CFAP299: variants seen among roughly 807,000 people sequenced by gnomAD.
CFAP299 encodes cilia and flagella associated protein 299.
Under a neutral mutation model 27.0 loss-of-function variants are expected in CFAP299, and 21 were observed. The ratio of observed to expected loss-of-function variants is 0.78; its 90% CI spans 0.55 to 1.12. The LOEUF (loss-of-function observed/expected upper bound fraction) is 1.12. Ranked by LOEUF, CFAP299 falls within the 50% of genes most tolerant of loss-of-function variation. CFAP299 has a pLI of 0.00. For synonymous variants in CFAP299, 104 were observed against 98.1 expected (o/e 1.06, Z -0.36); for missense variants, 310 against 276.6 (o/e 1.12, Z -0.86).
intron 3 of CFAP299, among the ~76,000 whole-genome samples, chr4:80,691,993 T>A (rs1468250687): frequency 6.6e-6 from 1 of 152,062 alleles, no homozygotes; most frequent in Non-Finnish European, 1.5e-5. Flanking sequence ...ACAAGGGATG[T>A]GAAGGACCTC....
chr4:80,880,995 A>G (rs956668912), intron 4 of CFAP299, among the ~76,000 whole-genome samples: 1 of 152,210 alleles, frequency 6.6e-6, no homozygotes, highest in Non-Finnish European at 1.5e-5. Context: ...TGTAGATGCC[A>G]GTCCTCTAAA....
chr4:80,875,950 T>C (rs1733352395), intron 4 of CFAP299, among the ~76,000 whole-genome samples: 1 of 151,976 alleles, frequency 6.6e-6, no homozygotes, highest in Admixed American at 6.6e-5. Context: ...TGTGAGTTTA[T>C]TTCAGCCCTT....
intron 3 of CFAP299, among the ~76,000 whole-genome samples, chr4:80,770,696 T>TGTC (rs1726162357): frequency 6.6e-6 from 1 of 152,226 alleles, no homozygotes; most frequent in South Asian, 2.1e-4. Flanking sequence ...GAAATCAAGG[T>TGTC]GTCAGCCAGC....
chr4:80,821,405 C>T (rs954722467), intron 3 of CFAP299, among the ~76,000 whole-genome samples: 7 of 152,018 alleles, frequency 4.6e-5, no homozygotes, highest in African/African-American at 1.4e-4. Context: ...TAATAGTAAC[C>T]CCCACCTCCC....
chr4:80,489,872 C>T (rs1158874677), intron 2 of CFAP299, among the ~76,000 whole-genome samples: 1 of 152,028 alleles, frequency 6.6e-6, no homozygotes, highest in Admixed American at 6.6e-5. Flanking sequence ...GAAGTAACTT[C>T]CTGATTTTAA....
intron 3 of CFAP299, among the ~76,000 whole-genome samples, chr4:80,771,236 C>G (rs372789919): frequency 6.6e-6 from 1 of 152,104 alleles, no homozygotes; most frequent in African/African-American, 2.4e-5. Flanking sequence ...TATTGTGAAG[C>G]ATATTTTCTT....
chr4:80,832,667 T>C (rs1730358735), intron 3 of CFAP299, among the ~76,000 whole-genome samples: 1 of 152,146 alleles, frequency 6.6e-6, no homozygotes, highest in African/African-American at 2.4e-5. Flanking sequence ...AAGTAGATGA[T>C]TTTTATTTCA....
intron 3 of CFAP299, among the ~76,000 whole-genome samples, chr4:80,863,634 A>G (rs540260619): frequency 6.6e-6 from 1 of 152,168 alleles, no homozygotes; most frequent in East Asian, 1.9e-4. Flanking sequence ...GATTTTTTAC[A>G]TGGTTAACCA....
intron 3 of CFAP299, among the ~76,000 whole-genome samples, chr4:80,754,952 T>C (rs1725150313): frequency 1.3e-5 from 2 of 152,152 alleles, no homozygotes; most frequent in Non-Finnish European, 2.9e-5. Flanking sequence ...GGAAACAATG[T>C]TCTTTCCTAC....
At chr4:80,508,288 T>C (rs1014164721) in intron 2 of CFAP299, among the ~76,000 whole-genome samples, 3 of 152,152 alleles carry the variant, frequency 2.0e-5, no homozygotes, top group Non-Finnish European at 4.4e-5. Context: ...AATGATAAAA[T>C]TGTGCTATAC....
intron 2 of CFAP299, among the ~76,000 whole-genome samples, chr4:80,398,877 A>G (rs1421940609): frequency 6.6e-6 from 1 of 152,206 alleles, no homozygotes; most frequent in African/African-American, 2.4e-5. Context: ...GCACAGCAAA[A>G]GAAACTACCA....
intron 3 of CFAP299, among the ~76,000 whole-genome samples, chr4:80,761,215 A>G (rs1725526247): frequency 6.6e-6 from 1 of 152,172 alleles, no homozygotes; most frequent in Non-Finnish European, 1.5e-5. Flanking sequence ...ACTTCATTTT[A>G]TTGTAAATCT....
chr4:80,399,428 C>T (rs1454352256), intron 2 of CFAP299, among the ~76,000 whole-genome samples: 1 of 152,092 alleles, frequency 6.6e-6, no homozygotes, highest in Non-Finnish European at 1.5e-5. Flanking sequence ...ATAGCAAAGA[C>T]TTGGAACCAA....
rs376871597 is a variant in CFAP299, at chr4:80,387,102, G to A, written c.242+24218G>A. 1.4e-4 allele frequency: 204 copies of A among 1,443,814 alleles called. No individual in the cohort carries two copies. In the African/African-American group the frequency reaches 2.4e-3, roughly 17 times the overall value. 89.4% of individuals were successfully genotyped at this position (1,443,814 alleles called of 1,614,324 possible). On this transcript the variant is annotated intron_variant, in intron 2 of 5. Coordinates refer to ENST00000358105, the MANE Select transcript of CFAP299 (RefSeq NM_152770.3). ...GGCGGTCTGCAGGTGATGCTCCAGG[G>A]CCTCTGGGGTGGATATTTGTTGACA... is the stretch of plus-strand genomic sequence containing the variant.
chr4:80,647,836 G>A (rs750836721), intron 3 of CFAP299, among the ~76,000 whole-genome samples: 5 of 152,214 alleles, frequency 3.3e-5, no homozygotes, highest in African/African-American at 4.8e-5. Context: ...CACTTTGGGA[G>A]CCCAAGGTGG....
chr4:80,504,015 G>C (rs544122668), intron 2 of CFAP299, among the ~76,000 whole-genome samples: 3 of 152,048 alleles, frequency 2.0e-5, no homozygotes, highest in African/African-American at 7.2e-5. Flanking sequence ...GAATTTTATA[G>C]GATGGTACTT....
chr4:80,842,728 C>G (rs193074339), intron 3 of CFAP299, among the ~76,000 whole-genome samples: 4 of 152,222 alleles, frequency 2.6e-5, no homozygotes, highest in Non-Finnish European at 5.9e-5. Context: ...GCTGCCCCTT[C>G]ACGTGATTAG....
At chr4:80,550,184 T>C (rs916028126) in intron 2 of CFAP299, among the ~76,000 whole-genome samples, 4 of 152,144 alleles carry the variant, frequency 2.6e-5, no homozygotes, top group African/African-American at 4.8e-5. Context: ...TCCATTACTA[T>C]AGATTTTATT....
intron 3 of CFAP299, among the ~76,000 whole-genome samples, chr4:80,806,493 G>A (rs72879975): frequency 0.011 from 1,625 of 152,282 alleles, 29 homozygotes; most frequent in African/African-American, 0.036. Flanking sequence ...ATATTTATTG[G>A]CCTTCTACCA....
Sources: allele counts gnomAD v4.1 joint callset (sites outside exome capture counted in the v4.1 genomes callset), GRCh38; gene constraint gnomAD v4.1.1; transcripts MANE v1.5; gene names NCBI Gene and HGNC (gene_info 2026-07-23, HGNC 2026-07-21).